The following CDC14A variants were observed in gnomAD, a reference collection of about 807,000 sequenced individuals.
CDC14A encodes the protein dual specificity protein phosphatase CDC14A.
CDC14A carries 53 observed loss-of-function variants against 74.4 expected under a neutral mutation model. The observed-to-expected ratio is 0.71, with a 90% CI of 0.57 to 0.89. The LOEUF (loss-of-function observed/expected upper bound fraction) is 0.89. CDC14A is among the 40% of genes least tolerant of loss of function. The pLI is 0.00. For synonymous variants in CDC14A, 247 were observed against 258.4 expected (o/e 0.96, Z 0.43); for missense variants, 646 against 713.7 (o/e 0.91, Z 1.08).
At chr1:100,477,469 A>G (rs748317069) in intron 10 of CDC14A, among the ~76,000 whole-genome samples, 1 of 152,042 alleles carries the variant, frequency 6.6e-6, no homozygotes, top group Non-Finnish European at 1.5e-5. Context: ...AACAATGTGT[A>G]AGATGAATTG....
In CDC14A at chr1:100,432,572, G is replaced by T. The variant is rs76592415; in HGVS notation, c.390-7360G>T. ...GGCTGAGGCCAGGAGTTTGAGATCAGCCTGGACAACATAGTGAGACCCTGT... is the reference window on the plus strand; with the variant it reads ...GGCTGAGGCCAGGAGTTTGAGATCATCCTGGACAACATAGTGAGACCCTGT... On this transcript the variant is annotated intron_variant, in intron 5 of 15. Coordinates refer to ENST00000336454, the MANE Select transcript of CDC14A (RefSeq NM_003672.4). Among the ~76,000 whole-genome samples the T allele has an allele frequency of 8.1e-3, 1,234 of 152,268 alleles. 17 individuals are homozygous for T. Among genetic ancestry groups the T allele is most frequent in the African/African-American group, 0.028 (1,152 of 41,548 alleles).
chr1:100,415,454 T>G (rs1379561958), intron 4 of CDC14A, among the ~76,000 whole-genome samples: 1 of 152,190 alleles, frequency 6.6e-6, no homozygotes, highest in African/African-American at 2.4e-5. Flanking sequence ...AGGGTAGAAA[T>G]AAGTGATGTC....
At chr1:100,479,684 C>T (rs775951045) in intron 10 of CDC14A, among the ~76,000 whole-genome samples, 12 of 152,240 alleles carry the variant, frequency 7.9e-5, no homozygotes, top group Non-Finnish European at 1.5e-4. Context: ...TACAAGCATA[C>T]TGCATAGGTT....
intron 7 of CDC14A, among the ~76,000 whole-genome samples, chr1:100,453,424 A>G (rs1013307395): frequency 6.6e-6 from 1 of 152,186 alleles, no homozygotes; most frequent in Non-Finnish European, 1.5e-5. Context: ...GCATACCTTT[A>G]TTCTTGGATT....
chr1:100,381,904 T>C (rs1301651648), intron 3 of CDC14A, among the ~76,000 whole-genome samples: 1 of 152,184 alleles, frequency 6.6e-6, no homozygotes, highest in Non-Finnish European at 1.5e-5. Flanking sequence ...GGAAGATGCA[T>C]TGAAGTGAGA....
chr1:100,359,922 G>A (rs1652453052), intron 2 of CDC14A, among the ~76,000 whole-genome samples: 1 of 150,742 alleles, frequency 6.6e-6, no homozygotes, highest in African/African-American at 2.4e-5. Context: ...TATTGTTCAG[G>A]GCTGCTTTTT....
rs762032488 is a variant in CDC14A, at chr1:100,462,920, G to A, written c.838+39G>A. 2.5e-5 allele frequency: 37 copies of A among 1,484,706 alleles called. No homozygotes were observed. The Admixed American group carries it at 3.2e-4, about 13-fold the overall frequency. The allele number at this position is 1,484,706 out of a possible 1,614,324, so 92.0% of individuals were successfully genotyped here. ...CTCGGTGGTGGTGGCTGTGCTTATCGAAGGGGCGGGCCAAGGAAGAGCAAA... is the reference window on the plus strand; with the variant it reads ...CTCGGTGGTGGTGGCTGTGCTTATCAAAGGGGCGGGCCAAGGAAGAGCAAA... On this transcript the variant is annotated intron_variant, in intron 9 of 15. Coordinates refer to ENST00000336454, the MANE Select transcript of CDC14A (RefSeq NM_003672.4).
At chr1:100,517,903 A>T (rs190842864) in intron 15 of CDC14A, among the ~76,000 whole-genome samples, 4 of 152,364 alleles carry the variant, frequency 2.6e-5, no homozygotes, top group African/African-American at 9.6e-5. Flanking sequence ...TTAATTAGTT[A>T]AAAGTATCTT....
intron 4 of CDC14A, chr1:100,423,824 G>A (rs183506378): frequency 5.3e-6 from 1 of 187,646 alleles, no homozygotes; most frequent in African/African-American, 2.3e-5. Context: ...TGCTCACTGT[G>A]AGAAGTCTTT....
chr1:100,368,921 G>T (rs933929304), intron 2 of CDC14A, among the ~76,000 whole-genome samples: 1 of 152,128 alleles, frequency 6.6e-6, no homozygotes, highest in Non-Finnish European at 1.5e-5. Context: ...AAGATAGAAC[G>T]ATTTATTTTC....
chr1:100,400,836 T>G (rs969130866), intron 4 of CDC14A, among the ~76,000 whole-genome samples: 2 of 152,212 alleles, frequency 1.3e-5, no homozygotes, highest in African/African-American at 4.8e-5. Flanking sequence ...TACTGGAAGA[T>G]TTATCAAGTT....
chr1:100,414,803 T>C (rs1294893789), intron 4 of CDC14A, among the ~76,000 whole-genome samples: 1 of 152,228 alleles, frequency 6.6e-6, no homozygotes. Context: ...AGTATTTTGC[T>C]CAGCTTGCGT....
intron 10 of CDC14A, 148 bp from the exon 11 acceptor site, chr1:100,484,144 T>G: frequency 2.1e-6 from 1 of 472,672 alleles, no homozygotes; most frequent in East Asian, 3.5e-5. Flanking sequence ...TTCTTTATTC[T>G]AAGATATCAT....
chr1:100,470,286 A>C (rs1668264620), intron 10 of CDC14A, among the ~76,000 whole-genome samples: 1 of 152,108 alleles, frequency 6.6e-6, no homozygotes, highest in Non-Finnish European at 1.5e-5. Flanking sequence ...CTAGAAATAG[A>C]AGGAAATTTC....
intron 4 of CDC14A, among the ~76,000 whole-genome samples, chr1:100,403,428 T>G (rs1177278897): frequency 6.6e-6 from 1 of 152,220 alleles, no homozygotes; most frequent in African/African-American, 2.4e-5. Context: ...GGTTCTTGAA[T>G]GTTCTTAGGG....
chr1:100,432,191 G>C (rs1352298292), intron 5 of CDC14A, among the ~76,000 whole-genome samples: 1 of 152,178 alleles, frequency 6.6e-6, no homozygotes, highest in African/African-American at 2.4e-5. Flanking sequence ...ATGGGAGATG[G>C]TTTTGTCCTC....
chr1:100,513,270 G>A (rs1649933615), intron 15 of CDC14A, among the ~76,000 whole-genome samples: 1 of 152,108 alleles, frequency 6.6e-6, no homozygotes, highest in South Asian at 2.1e-4. Flanking sequence ...CTATAGTTAT[G>A]TATATAAAAT....
chr1:100,353,975 A>AT (rs1204874719), intron 2 of CDC14A, 123 bp downstream of exon 2: 2 of 654,810 alleles, frequency 3.1e-6, no homozygotes, highest in African/African-American at 1.9e-5. Flanking sequence ...AACAATATCA[A>AT]TTTTTTAAGA....
At chr1:100,368,877 G>GATA (rs539476514) in intron 2 of CDC14A, among the ~76,000 whole-genome samples, 188 of 152,230 alleles carry the variant, frequency 1.2e-3, no homozygotes, top group African/African-American at 4.4e-3. Context: ...ATTCTTTTAG[G>GATA]ATAATAGCCT....
Sources: allele counts gnomAD v4.1 joint callset (sites outside exome capture counted in the v4.1 genomes callset), GRCh38; gene constraint gnomAD v4.1.1; transcripts MANE v1.5; gene names NCBI Gene and HGNC (gene_info 2026-07-23, HGNC 2026-07-21).